Variants in MRTFB observed in about 807,000 individuals in gnomAD.
MRTFB encodes the protein myocardin related transcription factor B.
Under a neutral mutation model 104.2 loss-of-function variants are expected in MRTFB, and 29 were observed. The ratio of observed to expected loss-of-function variants is 0.28; its 90% confidence interval spans 0.21 to 0.38. The LOEUF (loss-of-function observed/expected upper bound fraction) is 0.38. MRTFB is among the 10% of genes least tolerant of loss of function. MRTFB has a pLI of 1.00. For synonymous variants in MRTFB, 535 were observed against 519.5 expected (o/e 1.03, Z -0.41); for missense variants, 1,270 against 1,341.6 (o/e 0.95, Z 0.83).
intron 6 of MRTFB, 100 bp downstream of exon 6, chr16:14,213,720 C>A: frequency 4.4e-6 from 4 of 905,110 alleles, no homozygotes; most frequent in Non-Finnish European, 6.6e-6. Flanking sequence ...ACTTTTTAAC[C>A]CACAGCCTTA....
intron 2 of MRTFB, among the ~76,000 whole-genome samples, chr16:14,102,969 G>T (rs2035776374): frequency 6.6e-6 from 1 of 152,164 alleles, no homozygotes; most frequent in African/African-American, 2.4e-5. Flanking sequence ...GAGACCATTT[G>T]TATATCAGCT....
the MRTFB span, among the ~76,000 whole-genome samples, chr16:14,060,038 A>G: frequency 1.7e-5 from 2 of 118,622 alleles, no homozygotes; most frequent in Admixed American, 2.4e-4. Context: ...ACGGAGTCTC[A>G]CTCTGTCACC....
At position 14,246,623 on chromosome 16, in the gene MRTFB, G is replaced by A; in HGVS notation, c.1363G>A (p.Val455Ile). The A allele has an allele frequency of 6.2e-7, 1 of 1,614,124 alleles. No homozygotes were observed. The highest frequency in any genetic ancestry group is 8.5e-7 in the Non-Finnish European group (1 of 1,180,032). ...GIVAVSSSAI[V>I]TSNPEVTVAL... ...CGTGGCAGTGTCATCATCAGCCATT[G>A]TCACCAGTAACCCAGAAGTCACTGT... Residue 455 changes from valine (V) to isoleucine (I), a missense_variant, in exon 12 of 17, where the codon GTC (valine) becomes ATC (isoleucine). By Grantham distance (29) the Val-to-Ile change is conservative. Coordinates refer to ENST00000571589, the MANE Select transcript of MRTFB (RefSeq NM_001308142.2).
At chr16:14,042,811 C>T in the MRTFB span, among the ~76,000 whole-genome samples, 3 of 152,226 alleles carry the variant, frequency 2.0e-5, no homozygotes, top group Non-Finnish European at 4.4e-5. Flanking sequence ...CAGCGTTTAC[C>T]TCCACCTAGA....
chr16:14,252,306 CA>C, intron 14 of MRTFB, 58 bp from the exon 15 acceptor site: 1 of 1,576,650 alleles, frequency 6.3e-7, no homozygotes, highest in Non-Finnish European at 8.6e-7. Flanking sequence ...CGAGTCTAGC[CA>C]GGAAAAGAGA....
At chr16:14,212,280 A>C (rs2041224302) in intron 4 of MRTFB, 74 bp from the exon 5 acceptor site, 2 of 1,419,432 alleles carry the variant, frequency 1.4e-6, no homozygotes, top group African/African-American at 2.8e-5. Context: ...TAGGGTTATC[A>C]CCATGGTATA....
At chr16:14,014,824 G>A in the MRTFB span, among the ~76,000 whole-genome samples, 2 of 152,158 alleles carry the variant, frequency 1.3e-5, no homozygotes, top group African/African-American at 2.4e-5. Context: ...AGCTGAGATC[G>A]TGCCACTGCA....
chr16:14,134,199 C>T (rs1444214215), intron 2 of MRTFB, among the ~76,000 whole-genome samples: 2 of 152,146 alleles, frequency 1.3e-5, no homozygotes, highest in Non-Finnish European at 2.9e-5. Flanking sequence ...CTATAATAGC[C>T]ACTTCCAGCA....
At chr16:14,017,014 G>GA in the MRTFB span, among the ~76,000 whole-genome samples, 1 of 150,806 alleles carries the variant, frequency 6.6e-6, no homozygotes, top group Non-Finnish European at 1.5e-5. Flanking sequence ...CTTTCAAATA[G>GA]AACCTAGCTT....
intron 8 of MRTFB, among the ~76,000 whole-genome samples, chr16:14,232,783 A>G (rs1244825172): frequency 6.6e-6 from 1 of 152,194 alleles, no homozygotes; most frequent in Non-Finnish European, 1.5e-5. Context: ...GTTAACTAGT[A>G]TGTGCCAAGC....
intron 8 of MRTFB, among the ~76,000 whole-genome samples, chr16:14,233,846 G>C (rs2042379654): frequency 6.6e-6 from 1 of 150,700 alleles, no homozygotes; most frequent in African/African-American, 2.5e-5. Context: ...AAGTGTCTTG[G>C]ACTTTTCTTT....
At chr16:14,097,968 G>A (rs868787738) in intron 2 of MRTFB, among the ~76,000 whole-genome samples, 9 of 151,728 alleles carry the variant, frequency 5.9e-5, no homozygotes, top group African/African-American at 1.9e-4. Flanking sequence ...TTGTATATCT[G>A]TTCACTGTTT....
chr16:14,082,794 T>C (rs539072021), intron 2 of MRTFB, among the ~76,000 whole-genome samples: 3 of 152,136 alleles, frequency 2.0e-5, no homozygotes, highest in South Asian at 2.1e-4. Context: ...AATAATAATA[T>C]ATAAATAAAA....
intron 3 of MRTFB, among the ~76,000 whole-genome samples, chr16:14,199,726 A>C (rs2040599077): frequency 1.3e-5 from 2 of 152,332 alleles, no homozygotes; most frequent in Non-Finnish European, 2.9e-5. Flanking sequence ...CTGTGCTCAA[A>C]GTTTCTATCC....
At chr16:14,133,385 A>G (rs1220633276) in intron 2 of MRTFB, among the ~76,000 whole-genome samples, 3 of 152,262 alleles carry the variant, frequency 2.0e-5, no homozygotes, top group Non-Finnish European at 4.4e-5. Context: ...TGGCTAATTA[A>G]GTGCCAAAGA....
intron 3 of MRTFB, among the ~76,000 whole-genome samples, chr16:14,189,158 G>T (rs560801301): frequency 2.6e-5 from 4 of 152,256 alleles, no homozygotes; most frequent in Non-Finnish European, 5.9e-5. Flanking sequence ...ACATTGAAAG[G>T]ATTAGATCTG....
At chr16:14,017,713 T>TATATATATATATATATATATATA in the MRTFB span, among the ~76,000 whole-genome samples, 1 of 9,450 alleles carries the variant, frequency 1.1e-4, no homozygotes, top group Non-Finnish European at 2.8e-4. Flanking sequence ...ATATATATAT[T>TATATATATATATATATATATATA]TTTTTTTTTT....
At chr16:14,058,591 G>A in the MRTFB span, among the ~76,000 whole-genome samples, 2 of 151,972 alleles carry the variant, frequency 1.3e-5, no homozygotes, top group Admixed American at 1.3e-4. Flanking sequence ...AAACTACAAA[G>A]TGGCAAAGAC....
chr16:13,998,775 T>C, the MRTFB span, among the ~76,000 whole-genome samples: 1 of 143,824 alleles, frequency 7.0e-6, no homozygotes, highest in African/African-American at 2.6e-5. Context: ...AATAAATTAA[T>C]ATTGGCCTGT....
Sources: gnomAD v4.1 joint callset for allele counts (sites outside exome capture counted in the v4.1 genomes callset) on GRCh38, gnomAD v4.1.1 for gene constraint, MANE v1.5 for transcripts, NCBI Gene and HGNC (gene_info 2026-07-23, HGNC 2026-07-21) for gene names.